The following FSHR variants were observed in gnomAD, a reference collection of about 807,000 sequenced individuals.
FSHR encodes follicle stimulating hormone receptor, also known as follicle-stimulating hormone receptor.
Under a neutral mutation model 52.1 loss-of-function variants are expected in FSHR, and 46 were observed. The ratio of observed to expected loss-of-function variants is 0.88; its 90% CI spans 0.70 to 1.13. The LOEUF (loss-of-function observed/expected upper bound fraction) is 1.13, where lower values mean the gene tolerates loss of function less well. Among genes scored for constraint, FSHR ranks in the 50% most tolerant of loss-of-function variants. FSHR has a pLI of 0.00. For missense variants in FSHR, 964 were observed against 834.6 expected (o/e 1.16, Z -1.91); for synonymous variants, 399 against 309.6 (o/e 1.29, Z -3.03).
rs70946840 is a variant in FSHR, at chr2:48,989,273, C to CTTTTTTTTT, written c.447-228_447-220dup. ...AAATGGAATTGCAGACATTCAGTGT[C>CTTTTTTTTT]TTTTTTTTTTTTTTTTTTTTTTTTT... is the stretch of plus-strand genomic sequence containing the variant. On this transcript the variant is annotated intron_variant, in intron 5 of 9. Coordinates refer to ENST00000406846, the MANE Select transcript of FSHR (RefSeq NM_000145.4). Among the ~76,000 whole-genome samples the CTTTTTTTTT allele has an allele frequency of 9.1e-5, 11 of 120,810 alleles. No individual in the cohort carries two copies. The South Asian group carries it at 1.4e-3, about 15-fold the overall frequency. 79.3% of individuals were successfully genotyped at this position (120,810 alleles called of 152,430 possible). A position where few individuals can be genotyped will look rare whatever the true frequency, so the allele number is the denominator to read the frequency against.
intron 8 of FSHR, among the ~76,000 whole-genome samples, chr2:48,972,530 T>G (rs1674788337): frequency 6.6e-6 from 1 of 152,222 alleles, no homozygotes; most frequent in Non-Finnish European, 1.5e-5. Flanking sequence ...AGGAGATCTT[T>G]CTGGTTTCTC....
chr2:49,034,100 A>G (rs529702296), intron 2 of FSHR, among the ~76,000 whole-genome samples: 1 of 152,298 alleles, frequency 6.6e-6, no homozygotes, highest in East Asian at 1.9e-4. Flanking sequence ...TTGAGGAAAC[A>G]AGACCCAGAG....
intron 1 of FSHR, among the ~76,000 whole-genome samples, chr2:49,123,416 G>T (rs1671888695): frequency 6.6e-6 from 1 of 152,112 alleles, no homozygotes; most frequent in Non-Finnish European, 1.5e-5. Context: ...GAGCCCAGGA[G>T]GTTCAGGTTG....
chr2:48,996,804 G>T (rs539797592), intron 4 of FSHR, among the ~76,000 whole-genome samples: 9 of 152,188 alleles, frequency 5.9e-5, no homozygotes, highest in African/African-American at 2.2e-4. Flanking sequence ...AGTGTTTCAC[G>T]TACTGATTTT....
intron 9 of FSHR, among the ~76,000 whole-genome samples, chr2:48,966,832 T>C (rs1001261327): frequency 2.0e-5 from 3 of 152,224 alleles, no homozygotes; most frequent in Admixed American, 6.5e-5. Flanking sequence ...GTAAGAACCA[T>C]GTTCCTCTCC....
Position 48,962,626 on chromosome 2 carries a change from T to A in FSHR, c.*107A>T. On this transcript the variant is annotated 3_prime_UTR_variant, in exon 10 of 10. Transcript: ENST00000406846. ...TTACCTTAAAGGTATGCCAGGAATA[T>A]TAAATTAGATGAAATGTGTAGAAGC... 1 of 1,158,000 alleles carries A rather than the reference T, an allele frequency of 8.6e-7. No individual in the cohort carries two copies. The highest frequency in any genetic ancestry group is 2.4e-5 in the East Asian group (1 of 41,388). 71.7% of individuals were successfully genotyped at this position (1,158,000 alleles called of 1,614,324 possible).
chr2:49,059,287 G>A (rs985590577), intron 2 of FSHR, among the ~76,000 whole-genome samples: 3 of 151,800 alleles, frequency 2.0e-5, no homozygotes, highest in South Asian at 2.1e-4. Flanking sequence ...AAATTTGTAC[G>A]GAACCACAAA....
chr2:49,015,116 C>T (rs952267308), intron 4 of FSHR, among the ~76,000 whole-genome samples: 5 of 152,020 alleles, frequency 3.3e-5, no homozygotes, highest in South Asian at 2.1e-4. Context: ...TTTTTACAGC[C>T]GCTCTATAGA....
chr2:48,963,010 A>G lies in FSHR; in HGVS notation c.1811T>C (p.Val604Ala). The change falls in exon 10 of 10, where the codon GTG (valine) becomes GCG (alanine). Residue 604 changes from valine to alanine, a missense_variant. Val to Ala is a moderately conservative substitution (Grantham distance 64). Coordinates refer to ENST00000406846, the MANE Select transcript of FSHR (RefSeq NM_000145.4). ...AACCAGCAGAATCTTTGCTTTGGACACAGTGATGAGGGGCACCTTGAGGGA... is the reference window on the plus strand; with the variant it reads ...AACCAGCAGAATCTTTGCTTTGGACGCAGTGATGAGGGGCACCTTGAGGGA... ...SASLKVPLITVSKAKILLVLF... is the reference protein window; with the variant it reads ...SASLKVPLITASKAKILLVLF... 1 of 1,614,168 alleles carries G rather than the reference A, an allele frequency of 6.2e-7. No individual in the cohort carries two copies. Among genetic ancestry groups the G allele is most frequent in the Non-Finnish European group, 8.5e-7 (1 of 1,180,008 alleles).
At chr2:49,028,857 A>T (rs995573871) in intron 2 of FSHR, among the ~76,000 whole-genome samples, 3 of 152,144 alleles carry the variant, frequency 2.0e-5, no homozygotes, top group Non-Finnish European at 2.9e-5. Flanking sequence ...AGAAATACCA[A>T]CCCAGACCAC....
Position 48,963,289 on chromosome 2 carries a change from T to C in FSHR, c.1532A>G (p.Tyr511Cys), listed in dbSNP as rs764264620. The change falls in exon 10 of 10, where the codon TAC (tyrosine) becomes TGC (cysteine). Residue 511 changes from tyrosine to cysteine, a missense_variant. Coordinates refer to ENST00000406846, the MANE Select transcript of FSHR (RefSeq NM_000145.4). The part of the protein sequence containing the change: ...ALFPIFGISS[Y>C]MKVSICLPMD... ...GGGCAGGCAGATGCTCACCTTCATG[T>C]AGCTGCTGATGCCAAAGATGGGAAA... is the stretch of plus-strand genomic sequence containing the variant. 5.0e-6 allele frequency: 8 copies of C among 1,614,072 alleles called. No individual in the cohort carries two copies. Among genetic ancestry groups the C allele is most frequent in the Non-Finnish European group, 5.9e-6 (7 of 1,180,004 alleles).
At chr2:49,017,593 T>A in intron 3 of FSHR, 30 bp from the exon 4 acceptor site, 1 of 1,504,316 alleles carries the variant, frequency 6.6e-7, no homozygotes, top group Non-Finnish European at 9.3e-7. Flanking sequence ...ATGCTAGTGA[T>A]CTTGATGGTA....
At chr2:49,032,251 G>A (rs17038094) in intron 2 of FSHR, among the ~76,000 whole-genome samples, 36,946 of 151,982 alleles carry the variant, frequency 0.24, 4,979 homozygotes, top group East Asian at 0.51. Flanking sequence ...CTTTATCAGG[G>A]TATTTTATCA....
chr2:49,030,526 A>C lies in FSHR; in HGVS notation c.225-10366T>G, dbSNP rs138818333. Reference sequence around the variant, plus strand: ...TGCCCCTCCATTTTATACCTCTTTAAATCTTATCTTGGCTTGAAAGAGCTT... The same window carrying C: ...TGCCCCTCCATTTTATACCTCTTTACATCTTATCTTGGCTTGAAAGAGCTT... On this transcript the variant is annotated intron_variant, in intron 2 of 9. Coordinates refer to ENST00000406846, the MANE Select transcript of FSHR (RefSeq NM_000145.4). Among the ~76,000 whole-genome samples the C allele has an allele frequency of 2.7e-3, 417 of 152,106 alleles. 1 individual carries two copies. Among genetic ancestry groups the C allele is most frequent in the African/African-American group, 9.7e-3 (403 of 41,494 alleles).
chr2:49,107,519 A>G (rs994589627), intron 1 of FSHR, among the ~76,000 whole-genome samples: 24 of 151,870 alleles, frequency 1.6e-4, no homozygotes, highest in African/African-American at 5.6e-4. Flanking sequence ...GTGTTTAATG[A>G]GTACTTACTG....
chr2:49,115,181 C>T lies in FSHR; in HGVS notation c.152+39085G>A, dbSNP rs1157161582. Among the ~76,000 whole-genome samples the T allele has an allele frequency of 6.0e-5, 9 of 150,700 alleles. No individual in the cohort carries two copies. The Admixed American group carries it at 6.0e-4, about 10-fold the overall frequency. ...CTGTATGACCCTTTACAGGATCCAA[C>T]CAGGCCACCTGGAGGCACCGGAGCA... On this transcript the variant is annotated intron_variant, in intron 1 of 9. Transcript: ENST00000406846.
chr2:48,974,028 G>T (rs1674864457), intron 8 of FSHR, among the ~76,000 whole-genome samples: 2 of 148,530 alleles, frequency 1.3e-5, no homozygotes, highest in African/African-American at 2.6e-5. Context: ...ACATGACTCA[G>T]CATTGTAATA....
At chr2:49,146,392 A>T (rs1558467169) in intron 1 of FSHR, among the ~76,000 whole-genome samples, 1 of 152,064 alleles carries the variant, frequency 6.6e-6, no homozygotes, top group Non-Finnish European at 1.5e-5. Flanking sequence ...AGAATTCAGG[A>T]GGGATGCAGT....
At chr2:49,135,688 C>G (rs1052786688) in intron 1 of FSHR, among the ~76,000 whole-genome samples, 36 of 152,086 alleles carry the variant, frequency 2.4e-4, no homozygotes. Flanking sequence ...AACTTCGAAT[C>G]CTCTAAAACT....
Sources: gnomAD v4.1 joint callset for allele counts (sites outside exome capture counted in the v4.1 genomes callset) on GRCh38, gnomAD v4.1.1 for gene constraint, MANE v1.5 for transcripts, NCBI Gene and HGNC (gene_info 2026-07-23, HGNC 2026-07-21) for gene names.